Variants in MACROD2 observed in about 807,000 individuals in gnomAD.
MACROD2 encodes ADP-ribose glycohydrolase MACROD2.
In MACROD2, 36 loss-of-function variants were observed where a neutral mutation model predicts 70.4. That is an observed-to-expected ratio of 0.51 (90% confidence interval 0.39 to 0.68). The LOEUF is 0.68. Ranked by LOEUF, MACROD2 falls within the 30% of genes least tolerant of loss-of-function variation. The pLI is 0.00. For missense variants in MACROD2, 496 were observed against 538.4 expected (o/e 0.92, Z 0.78); for synonymous variants, 172 against 178.8 (o/e 0.96, Z 0.30).
At chr20:14,030,829 T>C (rs973674201) in intron 2 of MACROD2, among the ~76,000 whole-genome samples, 2 of 152,236 alleles carry the variant, frequency 1.3e-5, no homozygotes, top group Non-Finnish European at 2.9e-5. Context: ...TGAAGAATTT[T>C]CTGATCTTTC....
chr20:14,553,551 G>T (rs1408620965), intron 4 of MACROD2, among the ~76,000 whole-genome samples: 2 of 150,708 alleles, frequency 1.3e-5, no homozygotes, highest in Non-Finnish European at 2.9e-5. Flanking sequence ...CTATACTTTT[G>T]TATGACTGGC....
rs564599084 is a variant in MACROD2, at chr20:14,610,096, T to A, written c.302-74747T>A. ...AAATGTTCTGGTCCCTGCTTTAAGT[T>A]GAGAAAATCTGATTTGGCAAACAAA... On this transcript the variant is annotated intron_variant, in intron 4 of 17. Coordinates refer to ENST00000684519, the MANE Select transcript of MACROD2 (RefSeq NM_001351661.2). Among the ~76,000 whole-genome samples, 3 of 152,248 alleles carry A rather than the reference T, an allele frequency of 2.0e-5. No homozygotes were observed. In the South Asian group the frequency reaches 6.2e-4, roughly 32 times the overall value.
At position 15,028,219 on chromosome 20, in the gene MACROD2, TG is replaced by T. The variant is rs918959877; in HGVS notation, c.419-201716del. Among the ~76,000 whole-genome samples the T allele has an allele frequency of 2.0e-5, 3 of 152,190 alleles. No individual in the cohort carries two copies. The South Asian group carries it at 6.2e-4, about 32-fold the overall frequency. On this transcript the variant is annotated intron_variant, in intron 5 of 17. Transcript: ENST00000684519. ...TCAAGGCCATTTCGATAGAGAATTC[TG>T]GGGGCCTGAAAACCTAGAGCCAAGG...
At chr20:15,479,831 A>G (rs1568837562) in intron 7 of MACROD2, among the ~76,000 whole-genome samples, 1 of 152,226 alleles carries the variant, frequency 6.6e-6, no homozygotes, top group Non-Finnish European at 1.5e-5. Flanking sequence ...ATGCTCTTGA[A>G]TGGTGTTTGA....
intron 5 of MACROD2, among the ~76,000 whole-genome samples, chr20:14,901,477 A>G (rs919019940): frequency 6.6e-6 from 1 of 152,140 alleles, no homozygotes; most frequent in Non-Finnish European, 1.5e-5. Flanking sequence ...TTAATACAAC[A>G]ACAAAAATTC....
At chr20:14,614,346 C>T (rs988677541) in intron 4 of MACROD2, among the ~76,000 whole-genome samples, 5 of 152,178 alleles carry the variant, frequency 3.3e-5, no homozygotes, top group African/African-American at 9.6e-5. Context: ...TGGTTCTCCA[C>T]GTTGGTGACA....
chr20:14,040,372 G>GA (rs1601146149), intron 2 of MACROD2, among the ~76,000 whole-genome samples: 1 of 151,918 alleles, frequency 6.6e-6, no homozygotes, highest in South Asian at 2.1e-4. Context: ...GAGTGTAAAA[G>GA]AAAAAAGGTA....
intron 6 of MACROD2, among the ~76,000 whole-genome samples, chr20:15,301,670 A>C (rs1191298208): frequency 7.0e-6 from 1 of 142,086 alleles, no homozygotes; most frequent in Non-Finnish European, 1.5e-5. Context: ...GGCCTCAAGC[A>C]ATCCTCCTGC....
At chr20:14,757,779 AG>A in intron 5 of MACROD2, 2 of 1,532,302 alleles carry the variant, frequency 1.3e-6, no homozygotes, top group Admixed American at 3.4e-5. Flanking sequence ...CTTCCCAATG[AG>A]GGTATCCAGT....
At chr20:15,867,599 G>T (rs1213980474) in intron 9 of MACROD2, among the ~76,000 whole-genome samples, 1 of 151,924 alleles carries the variant, frequency 6.6e-6, no homozygotes, top group East Asian at 1.9e-4. Context: ...TATTTTTTCA[G>T]TGTGTAGAAT....
chr20:14,855,597 GTTTTTTTTTTTTTTT>G (rs71190156), intron 5 of MACROD2, among the ~76,000 whole-genome samples: 2 of 77,242 alleles, frequency 2.6e-5, no homozygotes, highest in African/African-American at 5.3e-5. Flanking sequence ...ATCCTACCAA[GTTTTTTTTTTTTTTT>G]TTTTTTTTTT....
At chr20:15,687,301 T>TA (rs1568975041) in intron 8 of MACROD2, among the ~76,000 whole-genome samples, 169 of 147,340 alleles carry the variant, frequency 1.1e-3, no homozygotes, top group African/African-American at 4.0e-3. Flanking sequence ...TATATATATT[T>TA]TATATATATA....
rs6034353 is a variant in MACROD2 at position 16,031,730 on chromosome 20, A to G, written c.1154-9471A>G. Reference sequence around the variant, plus strand: ...AATGCACATATTAAAATGCAATACTAATCAATGCACATTTGCTAGTACCTG... The same window carrying G: ...AATGCACATATTAAAATGCAATACTGATCAATGCACATTTGCTAGTACCTG... On this transcript the variant is annotated intron_variant, in intron 15 of 17. Coordinates refer to ENST00000684519, the MANE Select transcript of MACROD2 (RefSeq NM_001351661.2). Among the ~76,000 whole-genome samples the G allele has an allele frequency of 5.9e-3, 892 of 152,294 alleles. 12 individuals are homozygous for G. The highest frequency in any genetic ancestry group is 0.02 in the African/African-American group (828 of 41,582).
At chr20:14,088,968 A>T (rs370955171) in intron 3 of MACROD2, among the ~76,000 whole-genome samples, 44 of 152,352 alleles carry the variant, frequency 2.9e-4, no homozygotes, top group African/African-American at 8.4e-4. Context: ...AAAACAGAAG[A>T]ACATCATTAA....
At chr20:15,128,345 T>G (rs1289814931) in intron 5 of MACROD2, among the ~76,000 whole-genome samples, 1 of 152,096 alleles carries the variant, frequency 6.6e-6, no homozygotes, top group Non-Finnish European at 1.5e-5. Context: ...CTTCCAACGT[T>G]CCATTACTTG....
At chr20:14,781,396 C>T (rs543251953) in intron 5 of MACROD2, among the ~76,000 whole-genome samples, 39 of 151,012 alleles carry the variant, frequency 2.6e-4, no homozygotes, top group African/African-American at 9.3e-4. Context: ...GGTCCGTTTT[C>T]ATTTGTCTTG....
chr20:15,263,453 T>C (rs890024460), intron 6 of MACROD2, among the ~76,000 whole-genome samples: 1 of 152,112 alleles, frequency 6.6e-6, no homozygotes, highest in Non-Finnish European at 1.5e-5. Flanking sequence ...TAATTTGAAG[T>C]CAAGTAACAT....
At chr20:14,638,940 A>C (rs1351762642) in intron 4 of MACROD2, among the ~76,000 whole-genome samples, 1 of 147,916 alleles carries the variant, frequency 6.8e-6, no homozygotes, top group African/African-American at 2.6e-5. Flanking sequence ...ACAGAGCAAG[A>C]CTATGTCTCA....
chr20:14,259,833 A>G (rs757948019), intron 3 of MACROD2, among the ~76,000 whole-genome samples: 5 of 152,226 alleles, frequency 3.3e-5, no homozygotes, highest in Non-Finnish European at 7.3e-5. Context: ...TCTGCTGTCT[A>G]TCCTTTGTTT....
Sources: allele counts gnomAD v4.1 joint callset (sites outside exome capture counted in the v4.1 genomes callset), GRCh38; gene constraint gnomAD v4.1.1; transcripts MANE v1.5; gene names NCBI Gene and HGNC (gene_info 2026-07-23, HGNC 2026-07-21).